Variants in GSDME observed in about 807,000 individuals in gnomAD.
GSDME encodes the protein gasdermin-E.
GSDME carries 44 observed loss-of-function variants against 47.5 expected under a neutral mutation model. The ratio of observed to expected loss-of-function variants is 0.93; its 90% CI spans 0.73 to 1.19. The LOEUF is 1.19. Among genes scored for constraint, GSDME ranks in the 50% most tolerant of loss-of-function variants. The pLI, the probability that GSDME is intolerant of heterozygous loss-of-function variation, is 0.00. For missense variants in GSDME, 663 were observed against 604.2 expected (o/e 1.10, Z -1.02); for synonymous variants, 258 against 252.8 (o/e 1.02, Z -0.20).
rs1425852407 is a variant in GSDME at position 24,699,139 on chromosome 7, C to T, written c.1378G>A (p.Glu460Lys). 1 of 1,613,888 alleles carries T rather than the reference C, an allele frequency of 6.2e-7. No individual in the cohort carries two copies. The highest frequency in any genetic ancestry group is 8.5e-7 in the Non-Finnish European group (1 of 1,179,804). ...RLFASADISL[E>K]RLKSSVKAVI... ...GCTTTCACAGATGACTTCAGTCTCTCCAGACTAATGTCAGCTGAGGCAAAC... is the reference window on the plus strand; with the variant it reads ...GCTTTCACAGATGACTTCAGTCTCTTCAGACTAATGTCAGCTGAGGCAAAC... The change falls in exon 10 of 10, where the codon GAG becomes AAG. Residue 460 changes from glutamate (E) to lysine (K), a missense_variant. By Grantham distance (56) the Glu-to-Lys change is moderately conservative. Coordinates refer to ENST00000645220, the MANE Select transcript of GSDME (RefSeq NM_001127453.2).
chr7:24,755,811 A>G (rs1269872856), intron 1 of GSDME, among the ~76,000 whole-genome samples: 1 of 152,094 alleles, frequency 6.6e-6, no homozygotes, highest in Admixed American at 6.5e-5. Context: ...AAAAAGGTAA[A>G]CCTCAGTTAC....
chr7:24,722,547 C>T (rs1034675656), intron 3 of GSDME, among the ~76,000 whole-genome samples: 19 of 152,292 alleles, frequency 1.2e-4, no homozygotes, highest in Admixed American at 7.2e-4. Context: ...CCCAGCTAGA[C>T]GCACGTCAGA....
chr7:24,757,039 G>T lies in GSDME; in HGVS notation c.-20+357C>A, dbSNP rs1192687059. 2.0e-5 allele frequency among the ~76,000 whole-genome samples: 3 copies of T among 151,084 alleles called. No homozygotes were observed. The highest frequency in any genetic ancestry group is 1.5e-5 in the Non-Finnish European group (1 of 67,810). On this transcript the variant is annotated intron_variant, in intron 1 of 9. Transcript: ENST00000645220. The surrounding 1 kb of genome is among the most constrained non-coding windows in gnomAD (Gnocchi z 5.9). ...ATGAACGAATGGGGAGGGGGGGTTT[G>T]GGGGGTTGGGAGAACGAAAATACCA...
rs149368687 is a variant in GSDME, at chr7:24,748,144, G to GTATATA, written c.211+1414_211+1419dup. 3.3e-4 allele frequency among the ~76,000 whole-genome samples: 47 copies of GTATATA among 140,974 alleles called. 1 individual carries two copies. Among genetic ancestry groups the GTATATA allele is most frequent in the East Asian group, 2.0e-4 (1 of 5,002 alleles). The allele number at this position is 140,974 out of a possible 152,430, so 92.5% of individuals were successfully genotyped here. A position where few individuals can be genotyped will look rare whatever the true frequency, so the allele number is the denominator to read the frequency against. On this transcript the variant is annotated intron_variant, in intron 2 of 9. Coordinates refer to ENST00000645220, the MANE Select transcript of GSDME (RefSeq NM_001127453.2). ...AAGGAGTGTATAAAAATTATATAGAGTATATATATATATATATATATATAT... is the reference window on the plus strand; with the variant it reads ...AAGGAGTGTATAAAAATTATATAGAGTATATATATATATATATATATATATATATAT...
At chr7:24,780,212 C>T in the GSDME span, among the ~76,000 whole-genome samples, 8 of 152,202 alleles carry the variant, frequency 5.3e-5, no homozygotes, top group African/African-American at 1.7e-4. The surrounding 1 kb of genome is among the most constrained non-coding windows in gnomAD (Gnocchi z 4.1). Context: ...CAGCCAGGAC[C>T]TAGAGTTACA....
intron 6 of GSDME, among the ~76,000 whole-genome samples, chr7:24,709,107 C>G (rs1218818126): frequency 6.6e-6 from 1 of 152,148 alleles, no homozygotes. Context: ...CATCAGTAAC[C>G]AACATATTTC....
Position 24,714,570 on chromosome 7 carries a change from G to C in GSDME, c.697+2684C>G, listed in dbSNP as rs745567638. 6.6e-6 allele frequency among the ~76,000 whole-genome samples: 1 copy of C among 152,160 alleles called. No individual in the cohort carries two copies. Among genetic ancestry groups the C allele is most frequent in the Non-Finnish European group, 1.5e-5 (1 of 68,012 alleles). On this transcript the variant is annotated intron_variant, in intron 5 of 9. Transcript: ENST00000645220. This position sits in a 1 kb window ranked among gnomAD's most constrained non-coding sequence, Gnocchi z 5.0. ...CAGGATCCAGAACGAGCCAAGGGAA[G>C]GCCGAGATATCCCCAGGGTACCTCT...
At chr7:24,782,055 A>G in the GSDME span, among the ~76,000 whole-genome samples, 6,977 of 152,216 alleles carry the variant, frequency 0.046, 353 homozygotes, top group East Asian at 0.13. Context: ...CCAAAAACAT[A>G]CTTTTAAAAA....
At position 24,716,963 on chromosome 7, in the gene GSDME, T is replaced by G; in HGVS notation, c.697+291A>C. ...CAGTGTGTCTGATGCAGAGCCCAGG[T>G]TGATGCCCAGAGGACACAGCCCAGC... On this transcript the variant is annotated intron_variant, in intron 5 of 9. Coordinates refer to ENST00000645220, the MANE Select transcript of GSDME (RefSeq NM_001127453.2). The surrounding 1 kb of genome is among the most constrained non-coding windows in gnomAD (Gnocchi z 4.5). 4.5e-6 allele frequency: 2 copies of G among 442,892 alleles called. No homozygotes were observed. The highest frequency in any genetic ancestry group is 8.5e-6 in the Non-Finnish European group (2 of 236,094). The allele number at this position is 442,892 out of a possible 1,614,324, so 27.4% of individuals were successfully genotyped here.
the GSDME span, among the ~76,000 whole-genome samples, chr7:24,775,592 C>T: frequency 3.3e-5 from 5 of 149,858 alleles, no homozygotes; most frequent in African/African-American, 1.3e-4. Flanking sequence ...TAAGGGCCAG[C>T]GCGGTGGCTC....
At chr7:24,772,373 T>C in the GSDME span, among the ~76,000 whole-genome samples, 1 of 152,252 alleles carries the variant, frequency 6.6e-6, no homozygotes, top group African/African-American at 2.4e-5. The surrounding 1 kb of genome is among the most constrained non-coding windows in gnomAD (Gnocchi z 4.5). Context: ...GCTTTCCTCA[T>C]AGTAATTTTC....
At chr7:24,776,211 C>G in the GSDME span, among the ~76,000 whole-genome samples, 120 of 147,650 alleles carry the variant, frequency 8.1e-4, no homozygotes, top group Non-Finnish European at 1.5e-3. Flanking sequence ...AGAATCACTG[C>G]TAAGAAGGAG....
rs545477523 is a variant in GSDME at position 24,735,830 on chromosome 7, T to C, written c.404+8732A>G. On this transcript the variant is annotated intron_variant, in intron 3 of 9. Coordinates refer to ENST00000645220, the MANE Select transcript of GSDME (RefSeq NM_001127453.2). This position sits in a 1 kb window ranked among gnomAD's most constrained non-coding sequence, Gnocchi z 4.4. ...AAAACTACAAAAACTTTTCAAGACA[T>C]AGACTGTACAATAAGATATAAATAG... is the stretch of plus-strand genomic sequence containing the variant. Among the ~76,000 whole-genome samples the C allele has an allele frequency of 6.6e-6, 1 of 151,704 alleles. No homozygotes were observed. The highest frequency in any genetic ancestry group is 2.1e-4 in the South Asian group (1 of 4,810).
the GSDME span, among the ~76,000 whole-genome samples, chr7:24,770,085 TGATTAGAGGGTTGGAACTTTC>T: frequency 2.6e-5 from 4 of 152,114 alleles, no homozygotes; most frequent in Non-Finnish European, 5.9e-5. This position sits in a 1 kb window ranked among gnomAD's most constrained non-coding sequence, Gnocchi z 4.6. Context: ...CCAAACCATG[TGATTAGAGGGTTGGAACTTTC>T]AGCCCTACAC....
chr7:24,791,244 C>A, the GSDME span, among the ~76,000 whole-genome samples: 1 of 152,190 alleles, frequency 6.6e-6, no homozygotes, highest in Non-Finnish European at 1.5e-5. This position sits in a 1 kb window ranked among gnomAD's most constrained non-coding sequence, Gnocchi z 4.8. Context: ...TACACCTGAT[C>A]ACCTTTGCTG....
chr7:24,749,473 G>A, intron 2 of GSDME, 91 bp downstream of exon 2: 1 of 1,134,622 alleles, frequency 8.8e-7, no homozygotes, highest in Non-Finnish European at 1.3e-6. Context: ...CTGCACTCCA[G>A]CATGGGCGAC....
chr7:24,769,597 C>T, the GSDME span, among the ~76,000 whole-genome samples: 1 of 152,150 alleles, frequency 6.6e-6, no homozygotes, highest in African/African-American at 2.4e-5. Flanking sequence ...CATAGGCTCA[C>T]TAAAGACTGA....
the GSDME span, among the ~76,000 whole-genome samples, chr7:24,789,321 C>A: frequency 1.3e-5 from 2 of 152,128 alleles, no homozygotes; most frequent in African/African-American, 4.8e-5. Context: ...ACAAAACCCC[C>A]CAGACACAGA....
At position 24,745,340 on chromosome 7, in the gene GSDME, G is replaced by C. The variant is rs1420824628; in HGVS notation, c.212-586C>G. 1.3e-5 allele frequency among the ~76,000 whole-genome samples: 2 copies of C among 152,100 alleles called. No homozygotes were observed. Among genetic ancestry groups the C allele is most frequent in the Admixed American group, 6.5e-5 (1 of 15,272 alleles). On this transcript the variant is annotated intron_variant, in intron 2 of 9. Coordinates refer to ENST00000645220, the MANE Select transcript of GSDME (RefSeq NM_001127453.2). The surrounding 1 kb of genome is among the most constrained non-coding windows in gnomAD (Gnocchi z 4.4). ...ACCTAGGCCTGTCTGGGGGCATCTTGTCTACCCACCCACCAGTCTTGGAAA... is the reference window on the plus strand; with the variant it reads ...ACCTAGGCCTGTCTGGGGGCATCTTCTCTACCCACCCACCAGTCTTGGAAA...
Sources: gnomAD v4.1 joint callset for allele counts (sites outside exome capture counted in the v4.1 genomes callset) on GRCh38, gnomAD v4.1.1 for gene constraint, Gnocchi (gnomAD v3.1) non-coding constraint, MANE v1.5 for transcripts, NCBI Gene and HGNC (gene_info 2026-07-23, HGNC 2026-07-21) for gene names.